Variants in TG observed in about 807,000 individuals in gnomAD.
TG encodes the protein thyroglobulin.
TG carries 270 observed loss-of-function variants against 324.7 expected under a neutral mutation model. That is an observed-to-expected ratio of 0.83 (90% CI 0.75 to 0.92). TG has a LOEUF of 0.92. Among genes scored for constraint, TG ranks in the 40% least tolerant of loss-of-function variants. The pLI, the probability that TG is intolerant of heterozygous loss-of-function variation, is 0.00. For missense variants in TG, 3,591 were observed against 3,456.4 expected (o/e 1.04, Z -0.98); for synonymous variants, 1,401 against 1,327.0 (o/e 1.06, Z -1.21).
intron 41 of TG, among the ~76,000 whole-genome samples, chr8:133,084,748 C>A (rs1846267791): frequency 6.6e-6 from 1 of 152,244 alleles, no homozygotes; most frequent in African/African-American, 2.4e-5. Context: ...CCCCTTAGAG[C>A]GCTCCCCCAC....
chr8:132,890,181 A>C (rs959419514), intron 10 of TG, among the ~76,000 whole-genome samples: 25 of 152,094 alleles, frequency 1.6e-4, no homozygotes, highest in Non-Finnish European at 8.8e-5. Context: ...TTAGGGAGAA[A>C]ATGTTAGAAC....
chr8:132,942,398 G>T (rs1824576268), intron 26 of TG, among the ~76,000 whole-genome samples: 1 of 152,152 alleles, frequency 6.6e-6, no homozygotes, highest in Admixed American at 6.5e-5. Flanking sequence ...CTCCTTAGCA[G>T]CATCAAACTG....
intron 41 of TG, among the ~76,000 whole-genome samples, chr8:133,071,299 A>G (rs964372035): frequency 1.3e-5 from 2 of 152,094 alleles, no homozygotes; most frequent in Non-Finnish European, 2.9e-5. Flanking sequence ...GCATTCACAT[A>G]ATGTGTCGGA....
At chr8:133,134,413 T>C (rs946199095) in intron 47 of TG, among the ~76,000 whole-genome samples, 1 of 152,196 alleles carries the variant, frequency 6.6e-6, no homozygotes, top group African/African-American at 2.4e-5. Flanking sequence ...TGTCCAGCTA[T>C]AGTTTAGATT....
At chr8:132,973,879 T>TACGGGGA (rs1490686697) in intron 34 of TG, among the ~76,000 whole-genome samples, 1 of 152,058 alleles carries the variant, frequency 6.6e-6, no homozygotes, top group Non-Finnish European at 1.5e-5. Context: ...AGAGTAAATA[T>TACGGGGA]ATGGGGAATT....
At chr8:132,901,213 G>A in intron 15 of TG, 140 bp from the exon 16 acceptor site, 3 of 898,476 alleles carry the variant, frequency 3.3e-6, no homozygotes, top group South Asian at 2.8e-5. Flanking sequence ...ACCTCCTGGT[G>A]GGGAGGCAGC....
chr8:133,103,993 G>A (rs1849568863), intron 43 of TG, among the ~76,000 whole-genome samples: 1 of 152,240 alleles, frequency 6.6e-6, no homozygotes. Flanking sequence ...CGATGGAATG[G>A]GGCAATTACT....
intron 8 of TG, among the ~76,000 whole-genome samples, chr8:132,885,711 A>G (rs2132152283): frequency 6.6e-6 from 1 of 152,320 alleles, no homozygotes; most frequent in South Asian, 2.1e-4. Flanking sequence ...ACAAGTCACC[A>G]CAAACCAGGT....
intron 41 of TG, among the ~76,000 whole-genome samples, chr8:133,070,051 AG>A (rs1843763374): frequency 6.6e-6 from 1 of 151,426 alleles, no homozygotes; most frequent in African/African-American, 2.4e-5. Flanking sequence ...AAAGAAAAGA[AG>A]AAAAGAAAGG....
intron 38 of TG, among the ~76,000 whole-genome samples, 176 bp downstream of exon 38, chr8:133,018,173 C>A (rs1835223926): frequency 6.6e-6 from 1 of 152,226 alleles, no homozygotes; most frequent in South Asian, 2.1e-4. Flanking sequence ...TCCTAAGTAA[C>A]AGTGGCTTAA....
intron 40 of TG, among the ~76,000 whole-genome samples, chr8:133,028,651 A>G (rs537097621): frequency 5.9e-5 from 9 of 152,302 alleles, no homozygotes; most frequent in African/African-American, 2.2e-4. Context: ...AGATGGGGAA[A>G]ATCAAAGCAC....
intron 13 of TG, among the ~76,000 whole-genome samples, chr8:132,898,551 G>T (rs927599925): frequency 2.0e-5 from 3 of 152,184 alleles, no homozygotes; most frequent in African/African-American, 7.2e-5. Context: ...TTCAGCAACC[G>T]CCTCGCCTCT....
chr8:133,049,077 G>C, intron 41 of TG: 1 of 441,436 alleles, frequency 2.3e-6, no homozygotes, highest in South Asian at 1.6e-5. Context: ...AGGAGGTGAA[G>C]CGACTTTTAC....
Position 133,013,655 on chromosome 8 carries a change from T to C in TG, c.6453T>C (p.Ala2151=). ...CCACTCTGCAAACCCAACCTGGGGC[T>C]GTGAGATGTATGTTCTATGCTGATA... ...LITTLQTQPG[A]VRCMFYADTQ... The change falls in exon 37 of 48, where the codon GCT becomes GCC. Residue 2151 remains alanine (A), a synonymous_variant. Transcript: ENST00000220616. 6.2e-7 allele frequency: 1 copy of C among 1,614,228 alleles called. No individual in the cohort carries two copies. Among genetic ancestry groups the C allele is most frequent in the South Asian group, 1.1e-5 (1 of 91,088 alleles).
chr8:132,873,270 C>A (rs763187801), intron 5 of TG, 49 bp downstream of exon 5: 87 of 1,608,034 alleles, frequency 5.4e-5, no homozygotes, highest in Middle Eastern at 1.7e-4. Context: ...CCTGACGCAG[C>A]CCACACTCAC....
chr8:133,081,687 C>T (rs1845774893), intron 41 of TG, among the ~76,000 whole-genome samples: 1 of 152,046 alleles, frequency 6.6e-6, no homozygotes, highest in Non-Finnish European at 1.5e-5. Flanking sequence ...TGTCATTGCT[C>T]AACCTAGACC....
chr8:133,008,987 G>A (rs1834259971), intron 35 of TG, among the ~76,000 whole-genome samples: 1 of 152,216 alleles, frequency 6.6e-6, no homozygotes, highest in South Asian at 2.1e-4. Context: ...CACAAAAGCA[G>A]TGACTCATCC....
rs114944116 is a variant in TG at position 132,906,802 on chromosome 8, G to A, written c.3749G>A (p.Arg1250His). The change falls in exon 17 of 48, where the codon CGC becomes CAC. Residue 1250 changes from arginine to histidine, a missense_variant. Transcript: ENST00000220616. ...SAMQQCQLLC[R>H]QGSWSVFPPG... is the part of the protein sequence containing the mutation. Reference sequence around the variant, plus strand: ...ATGCAGCAGTGCCAATTGCTGTGCCGCCAGGGCTCCTGGAGCGTGTTTCCA... The same window carrying A: ...ATGCAGCAGTGCCAATTGCTGTGCCACCAGGGCTCCTGGAGCGTGTTTCCA... 19 of 1,614,048 alleles carry A rather than the reference G, an allele frequency of 1.2e-5. No homozygotes were observed. Among genetic ancestry groups the A allele is most frequent in the East Asian group, 6.7e-5 (3 of 44,884 alleles).
At chr8:133,061,261 G>C (rs1317133233) in intron 41 of TG, among the ~76,000 whole-genome samples, 1 of 152,158 alleles carries the variant, frequency 6.6e-6, no homozygotes, top group Non-Finnish European at 1.5e-5. Context: ...TACCTGCCTT[G>C]GCCTCCCAAT....
Sources: gnomAD v4.1 joint callset for allele counts (sites outside exome capture counted in the v4.1 genomes callset) on GRCh38, gnomAD v4.1.1 for gene constraint, MANE v1.5 for transcripts, NCBI Gene and HGNC (gene_info 2026-07-23, HGNC 2026-07-21) for gene names.